ROBO2: variants seen among roughly 807,000 people sequenced by gnomAD.
The protein encoded by ROBO2 is roundabout guidance receptor 2.
ROBO2 carries 53 observed loss-of-function variants against 160.8 expected under a neutral mutation model. The observed-to-expected ratio is 0.33, with a 90% confidence interval of 0.26 to 0.41. The LOEUF (loss-of-function observed/expected upper bound fraction) is 0.41. Ranked by LOEUF, ROBO2 falls within the 10% of genes least tolerant of loss-of-function variation. ROBO2 has a pLI of 1.00. For missense variants in ROBO2, 1,577 were observed against 1,722.4 expected, an observed-to-expected ratio of 0.92 and a Z score of 1.49; for synonymous variants, 664 against 611.7, an observed-to-expected ratio of 1.09 and a Z score of -1.26.
intron 1 of ROBO2, among the ~76,000 whole-genome samples, chr3:77,055,653 T>C (rs1037710798): frequency 1.3e-5 from 2 of 152,164 alleles, no homozygotes; most frequent in Non-Finnish European, 2.9e-5. Context: ...TTCCATGAAT[T>C]GGATTGGATT....
chr3:76,778,806 T>C (rs1217564022), intron 2 of ROBO2, among the ~76,000 whole-genome samples: 1 of 151,074 alleles, frequency 6.6e-6, no homozygotes, highest in Non-Finnish European at 1.5e-5. Context: ...CAGTGAGTAA[T>C]TGCATAAAGA....
intron 2 of ROBO2, among the ~76,000 whole-genome samples, chr3:76,250,099 A>G (rs547942581): frequency 6.6e-6 from 1 of 152,224 alleles, no homozygotes; most frequent in East Asian, 1.9e-4. Context: ...TGCTGTTATC[A>G]GTTAACAAAA....
intron 2 of ROBO2, among the ~76,000 whole-genome samples, chr3:76,346,751 C>A (rs755663171): frequency 2.0e-5 from 3 of 152,260 alleles, no homozygotes; most frequent in Non-Finnish European, 2.9e-5. Context: ...TTACATCCTT[C>A]TAAGGGATCT....
intron 2 of ROBO2, among the ~76,000 whole-genome samples, chr3:76,706,381 T>C (rs2093163588): frequency 6.6e-6 from 1 of 152,122 alleles, no homozygotes; most frequent in African/African-American, 2.4e-5. Context: ...AGGCTTCCCA[T>C]TTCTGCCACC....
intron 2 of ROBO2, among the ~76,000 whole-genome samples, chr3:76,839,293 C>G (rs1427649185): frequency 6.6e-6 from 1 of 152,074 alleles, no homozygotes; most frequent in Admixed American, 6.6e-5. Flanking sequence ...GAAATAAAAG[C>G]CTTGGACTCA....
intron 2 of ROBO2, among the ~76,000 whole-genome samples, chr3:77,426,280 G>C (rs62249804): frequency 5.3e-5 from 8 of 152,024 alleles, no homozygotes; most frequent in Non-Finnish European, 8.8e-5. Flanking sequence ...AAGGAGAATC[G>C]ATGGGTTTCT....
intron 2 of ROBO2, among the ~76,000 whole-genome samples, chr3:76,020,698 C>T (rs1173680353): frequency 6.6e-6 from 1 of 151,772 alleles, no homozygotes; most frequent in Non-Finnish European, 1.5e-5. Flanking sequence ...TGTTATTTCA[C>T]ACAGACTCTG....
At chr3:77,367,670 A>T (rs1216585485) in intron 2 of ROBO2, among the ~76,000 whole-genome samples, 1 of 152,180 alleles carries the variant, frequency 6.6e-6, no homozygotes, top group Admixed American at 6.6e-5. Flanking sequence ...GTTCTGTGGG[A>T]CACCTTATGC....
intron 19 of ROBO2, among the ~76,000 whole-genome samples, chr3:77,600,415 GGA>G (rs2094407414): frequency 6.6e-6 from 1 of 152,178 alleles, no homozygotes; most frequent in Non-Finnish European, 1.5e-5. Context: ...AGCAGGGAGA[GGA>G]GAGATTCAAT....
chr3:76,490,467 C>A (rs74383599), intron 2 of ROBO2, among the ~76,000 whole-genome samples: 2,749 of 152,102 alleles, frequency 0.018, 50 homozygotes, highest in Non-Finnish European at 0.029. Context: ...AATAGCAAAG[C>A]GAAATGCTTA....
chr3:76,820,411 C>T (rs988109862), intron 2 of ROBO2, among the ~76,000 whole-genome samples: 1 of 151,720 alleles, frequency 6.6e-6, no homozygotes, highest in African/African-American at 2.4e-5. Flanking sequence ...GGTGAAAACC[C>T]CTTTTGTTCT....
chr3:77,518,343 A>G (rs2090237636), intron 5 of ROBO2, among the ~76,000 whole-genome samples: 1 of 151,498 alleles, frequency 6.6e-6, no homozygotes, highest in African/African-American at 2.4e-5. Flanking sequence ...GTATTCTGAT[A>G]TAAATACATC....
intron 2 of ROBO2, among the ~76,000 whole-genome samples, chr3:76,437,687 A>G (rs531752255): frequency 5.3e-5 from 8 of 152,276 alleles, no homozygotes; most frequent in African/African-American, 1.9e-4. Flanking sequence ...AAGACTGTAC[A>G]ATGTTTTTCA....
intron 2 of ROBO2, among the ~76,000 whole-genome samples, chr3:77,312,609 A>G (rs1175795666): frequency 6.6e-6 from 1 of 152,244 alleles, no homozygotes; most frequent in Non-Finnish European, 1.5e-5. Flanking sequence ...GAGTGTGACT[A>G]GACAAGTCAG....
chr3:76,085,695 C>T (rs2068989810), intron 2 of ROBO2, among the ~76,000 whole-genome samples: 1 of 152,108 alleles, frequency 6.6e-6, no homozygotes, highest in Non-Finnish European at 1.5e-5. Flanking sequence ...CCGACTTGCA[C>T]AGAAACCCAT....
At chr3:76,885,588 T>G (rs2073798818) in intron 2 of ROBO2, among the ~76,000 whole-genome samples, 3 of 152,192 alleles carry the variant, frequency 2.0e-5, no homozygotes, top group Admixed American at 2.0e-4. Context: ...CACGTGTACA[T>G]GCATTGCCCA....
At chr3:77,130,358 G>GA (rs1444139423) in intron 2 of ROBO2, among the ~76,000 whole-genome samples, 1 of 152,152 alleles carries the variant, frequency 6.6e-6, no homozygotes, top group Non-Finnish European at 1.5e-5. Flanking sequence ...ACTCGATTAA[G>GA]AAAGTCACTT....
At chr3:76,257,594 T>C (rs955753656) in intron 2 of ROBO2, among the ~76,000 whole-genome samples, 1 of 152,158 alleles carries the variant, frequency 6.6e-6, no homozygotes, top group African/African-American at 2.4e-5. Flanking sequence ...TTGTATAGTG[T>C]ATTTCATAGT....
intron 2 of ROBO2, among the ~76,000 whole-genome samples, chr3:76,090,515 G>T (rs1317339143): frequency 1.3e-5 from 2 of 152,130 alleles, no homozygotes; most frequent in Non-Finnish European, 2.9e-5. Flanking sequence ...CAAGATATCA[G>T]TTCTCCCAAA....
Sources: gnomAD v4.1 joint callset for allele counts (sites outside exome capture counted in the v4.1 genomes callset) on GRCh38, gnomAD v4.1.1 for gene constraint, MANE v1.5 for transcripts, NCBI Gene and HGNC (gene_info 2026-07-23, HGNC 2026-07-21) for gene names.